Variants in SUSD6 observed in about 807,000 individuals in gnomAD.
The protein encoded by SUSD6 is sushi domain-containing protein 6.
A neutral mutation model predicts 28.4 loss-of-function variants in SUSD6; 16 were observed. The observed-to-expected ratio is 0.56, with a 90% confidence interval of 0.38 to 0.86. The LOEUF is 0.86. SUSD6 is among the 40% of genes least tolerant of loss of function. The probability of loss-of-function intolerance (pLI) is 0.00; values close to 1 mark genes in which losing one functional copy is unlikely to be tolerated. For synonymous variants in SUSD6, 147 were observed against 159.6 expected (o/e 0.92, Z 0.59); for missense variants, 341 against 384.2 (o/e 0.89, Z 0.94).
At chr14:69,620,220 T>C (rs980095652) in intron 1 of SUSD6, among the ~76,000 whole-genome samples, 3 of 152,204 alleles carry the variant, frequency 2.0e-5, no homozygotes, top group African/African-American at 7.2e-5. Flanking sequence ...ATTTTGCTTG[T>C]TACACAGCAG....
At chr14:69,675,924 T>C in intron 2 of SUSD6, among the ~76,000 whole-genome samples, 1 of 152,138 alleles carries the variant, frequency 6.6e-6, no homozygotes, top group Middle Eastern at 3.2e-3. Flanking sequence ...TTTTGTACTA[T>C]GTTGTTTTGT....
chr14:69,658,673 A>C lies in SUSD6; in HGVS notation c.81A>C (p.Leu27=), dbSNP rs539268109. The C allele has an allele frequency of 6.2e-7, 1 of 1,614,060 alleles. No homozygotes were observed. The highest frequency in any genetic ancestry group is 1.7e-5 in the Admixed American group (1 of 60,014). The change falls in exon 2 of 6, where the codon CTA becomes CTC. Residue 27 remains leucine, a synonymous_variant. Transcript: ENST00000342745. The part of the protein sequence containing the change: ...ASVGHGVFLP[L]VILCTLLGDG... ...TGGGACATGGAGTGTTCCTTCCGCT[A>C]GTGATCCTTTGCACCCTGCTTGGAG... is the stretch of plus-strand genomic sequence containing the variant.
In SUSD6 at chr14:69,704,681, C is replaced by A. The variant is rs745538597; in HGVS notation, c.397C>A (p.Leu133Ile). 87 of 1,614,066 alleles carry A rather than the reference C, an allele frequency of 5.4e-5. 1 individual carries two copies. The highest frequency in any genetic ancestry group is 7.3e-5 in the Non-Finnish European group (86 of 1,180,032). The change falls in exon 4 of 6, where the codon CTC (leucine) becomes ATC (isoleucine). Residue 133 changes from leucine to isoleucine, a missense_variant. By Grantham distance (5) the Leu-to-Ile change is conservative (BLOSUM62 2). Transcript: ENST00000342745. ...TACTGCCAGCTCCGTGGCGCTCATT[C>A]TCCTCCTCGTGGTGCTGTTTGTGCT... is the stretch of plus-strand genomic sequence containing the variant. ...ASTASSVALILLLVVLFVLLQ... is the reference protein window; with the variant it reads ...ASTASSVALIILLVVLFVLLQ...
At chr14:69,664,570 A>G (rs535533939) in intron 2 of SUSD6, among the ~76,000 whole-genome samples, 1 of 152,288 alleles carries the variant, frequency 6.6e-6, no homozygotes, top group Admixed American at 6.5e-5. Context: ...GTTCTCGATG[A>G]ACCCTAGTGT....
intron 1 of SUSD6, among the ~76,000 whole-genome samples, chr14:69,646,082 A>C (rs1885421892): frequency 1.3e-5 from 2 of 152,048 alleles, no homozygotes; most frequent in Admixed American, 1.3e-4. Flanking sequence ...ATTTGATATA[A>C]TCTGCCTTCA....
Position 69,641,312 on chromosome 14 carries a change from GAAA to G in SUSD6, c.-80-17199_-80-17197del, listed in dbSNP as rs1410591793. Among the ~76,000 whole-genome samples, 14 of 152,016 alleles carry G rather than the reference GAAA, an allele frequency of 9.2e-5. 1 individual carries two copies. Among genetic ancestry groups the G allele is most frequent in the Admixed American group, 9.2e-4 (14 of 15,274 alleles). ...TTGTGCATAATTTTCATATAATTTG[GAAA>G]ATTTGGGGCATTCTTTTCTCAATAT... On this transcript the variant is annotated intron_variant, in intron 1 of 5. Transcript: ENST00000342745.
intron 2 of SUSD6, among the ~76,000 whole-genome samples, chr14:69,698,420 A>G (rs947024837): frequency 6.6e-6 from 1 of 152,216 alleles, no homozygotes; most frequent in Non-Finnish European, 1.5e-5. Context: ...CATGCATGTC[A>G]CACTGATCTT....
At chr14:69,660,854 T>C (rs1045457091) in intron 2 of SUSD6, among the ~76,000 whole-genome samples, 4 of 152,272 alleles carry the variant, frequency 2.6e-5, no homozygotes, top group African/African-American at 9.6e-5. Context: ...GCTTTTGTGC[T>C]GCAGTGGCAG....
At chr14:69,678,605 C>G (rs931005537) in intron 2 of SUSD6, among the ~76,000 whole-genome samples, 17 of 151,982 alleles carry the variant, frequency 1.1e-4, no homozygotes, top group African/African-American at 4.1e-4. Flanking sequence ...GAGTTTGAGA[C>G]CAGCCTGGCC....
At chr14:69,681,895 T>C (rs1030126231) in intron 2 of SUSD6, among the ~76,000 whole-genome samples, 25 of 152,204 alleles carry the variant, frequency 1.6e-4, no homozygotes, top group Non-Finnish European at 3.2e-4. Context: ...TGGGTTACTG[T>C]GTTAAATACT....
chr14:69,655,107 A>T (rs912269719), intron 1 of SUSD6, among the ~76,000 whole-genome samples: 1 of 151,204 alleles, frequency 6.6e-6, no homozygotes, highest in African/African-American at 2.4e-5. Flanking sequence ...CCAATTTCTT[A>T]TGCTTTATTC....
chr14:69,683,738 C>T (rs1043704797), intron 2 of SUSD6, among the ~76,000 whole-genome samples: 1 of 152,068 alleles, frequency 6.6e-6, no homozygotes, highest in Non-Finnish European at 1.5e-5. Flanking sequence ...AGCCTTTGGA[C>T]GATTCTGAAA....
chr14:69,630,540 T>A (rs888451796), intron 1 of SUSD6, among the ~76,000 whole-genome samples: 1 of 152,168 alleles, frequency 6.6e-6, no homozygotes, highest in East Asian at 1.9e-4. Context: ...AGCTCACATA[T>A]GTAGATGGAC....
intron 1 of SUSD6, among the ~76,000 whole-genome samples, chr14:69,616,925 A>T (rs1884967729): frequency 6.6e-6 from 1 of 152,144 alleles, no homozygotes; most frequent in Non-Finnish European, 1.5e-5. Context: ...TCATCACCCC[A>T]AAAAGTCACT....
intron 2 of SUSD6, among the ~76,000 whole-genome samples, chr14:69,682,947 CTTTT>C (rs5809442): frequency 4.4e-3 from 275 of 62,658 alleles, no homozygotes; most frequent in African/African-American, 0.013. Context: ...TCCAAGAAGC[CTTTT>C]TTTTTTTTTT....
rs1280631549 is a variant in SUSD6, at chr14:69,712,703, C to G, written c.*1724C>G. ...TGCCTCCTGCCTCCGCGCTTACACA[C>G]GCACTTTACCACCCGGTCATTCCCT... On this transcript the variant is annotated 3_prime_UTR_variant, in exon 6 of 6. Transcript: ENST00000342745. The G allele has an allele frequency of 1.3e-5, 2 of 152,636 alleles. No individual in the cohort carries two copies. The highest frequency in any genetic ancestry group is 4.8e-5 in the African/African-American group (2 of 41,440). The allele number at this position is 152,636 out of a possible 1,614,324, so 9.5% of individuals were successfully genotyped here.
chr14:69,700,911 A>G (rs1227962118), intron 2 of SUSD6, among the ~76,000 whole-genome samples: 2 of 152,098 alleles, frequency 1.3e-5, no homozygotes, highest in Non-Finnish European at 2.9e-5. Flanking sequence ...TTGTTTTGTA[A>G]AAGTATTTTA....
At chr14:69,647,112 A>C (rs1016609618) in intron 1 of SUSD6, among the ~76,000 whole-genome samples, 4 of 152,178 alleles carry the variant, frequency 2.6e-5, no homozygotes, top group Non-Finnish European at 5.9e-5. Flanking sequence ...GGATGGATGA[A>C]AATGTTTGTT....
intron 1 of SUSD6, among the ~76,000 whole-genome samples, chr14:69,638,918 T>A (rs1250627821): frequency 6.6e-6 from 1 of 152,174 alleles, no homozygotes; most frequent in Non-Finnish European, 1.5e-5. Flanking sequence ...TTCTCTGAGC[T>A]CCTTTGGTCC....
Sources: allele counts gnomAD v4.1 joint callset (sites outside exome capture counted in the v4.1 genomes callset), GRCh38; gene constraint gnomAD v4.1.1; transcripts MANE v1.5; gene names NCBI Gene and HGNC (gene_info 2026-07-23, HGNC 2026-07-21).